Variants in C7 observed in about 807,000 individuals in gnomAD.
C7 encodes complement C7, also known as complement component C7.
In C7, 83 loss-of-function variants were observed where a neutral mutation model predicts 104.8. The observed-to-expected ratio is 0.79, with a 90% confidence interval of 0.66 to 0.95. The LOEUF (loss-of-function observed/expected upper bound fraction) is 0.95, where lower values mean the gene tolerates loss of function less well. Ranked by LOEUF, C7 falls within the 40% of genes least tolerant of loss-of-function variation. The probability of loss-of-function intolerance (pLI) is 0.00; values close to 1 mark genes in which losing one functional copy is unlikely to be tolerated. For synonymous variants in C7, 415 were observed against 360.6 expected (o/e 1.15, Z -1.71); for missense variants, 1,070 against 1,011.2 (o/e 1.06, Z -0.79).
At chr5:40,974,905 A>G (rs926273338) in intron 15 of C7, among the ~76,000 whole-genome samples, 5 of 152,096 alleles carry the variant, frequency 3.3e-5, no homozygotes, top group African/African-American at 7.2e-5. Context: ...ATTCTTTGCT[A>G]TGGGAGCCTC....
chr5:40,981,655 G>A lies in C7; in HGVS notation c.*82G>A. 8.3e-7 allele frequency: 1 copy of A among 1,208,032 alleles called. No homozygotes were observed. Among genetic ancestry groups the A allele is most frequent in the Non-Finnish European group, 1.1e-6 (1 of 877,420 alleles). 74.8% of individuals were successfully genotyped at this position (1,208,032 alleles called of 1,614,324 possible). On this transcript the variant is annotated 3_prime_UTR_variant, in exon 18 of 18. Transcript: ENST00000313164. Reference sequence around the variant, plus strand: ...GAAAACATCTGCACAACTGGGCACTGGACAGCTTTTCCTTCTTCTCCAGTG... The same window carrying A: ...GAAAACATCTGCACAACTGGGCACTAGACAGCTTTTCCTTCTTCTCCAGTG...
At chr5:40,981,365 T>C in intron 17 of C7, 27 bp from the exon 18 acceptor site, 1 of 1,595,222 alleles carries the variant, frequency 6.3e-7, no homozygotes. Context: ...CAATGTACCA[T>C]TAAGCCTCTT....
In C7 at chr5:40,947,646, G is replaced by A; in HGVS notation, c.783G>A (p.Gln261=). 1 of 1,613,462 alleles carries A rather than the reference G, an allele frequency of 6.2e-7. No individual in the cohort carries two copies. Among genetic ancestry groups the A allele is most frequent in the Middle Eastern group, 1.7e-4 (1 of 6,060 alleles). ...LVVENTVEVA[Q]FINNNPEFLQ... ...TTGAGAACACTGTTGAAGTGGCTCA[G>A]TTCATTAATAACAATCCAGAATTTT... Residue 261 remains glutamine (Q), a synonymous_variant, in exon 8 of 18, where the codon CAG becomes CAA. Transcript: ENST00000313164.
chr5:40,911,628 G>A (rs1006316007), intron 1 of C7, among the ~76,000 whole-genome samples: 1 of 152,172 alleles, frequency 6.6e-6, no homozygotes, highest in African/African-American at 2.4e-5. Flanking sequence ...GAAGGAGGTA[G>A]AGCTAATGCT....
chr5:40,935,717 C>A (rs533418193), intron 4 of C7, among the ~76,000 whole-genome samples: 1 of 152,230 alleles, frequency 6.6e-6, no homozygotes, highest in East Asian at 1.9e-4. Context: ...GGGAGATAGG[C>A]AGGAACTAGA....
intron 9 of C7, 130 bp downstream of exon 9, chr5:40,950,144 C>T (rs1324301513): frequency 1.6e-6 from 1 of 613,864 alleles, no homozygotes; most frequent in Non-Finnish European, 2.9e-6. Flanking sequence ...ATTATTTTGT[C>T]ACCCAAGTAT....
chr5:40,964,717 T>C, intron 13 of C7, 24 bp from the exon 14 acceptor site: 1 of 1,606,614 alleles, frequency 6.2e-7, no homozygotes, highest in Non-Finnish European at 8.5e-7. Context: ...ACTCTTTCCT[T>C]TTCCATCTTT....
intron 1 of C7, among the ~76,000 whole-genome samples, chr5:40,912,819 C>T (rs1350221459): frequency 6.6e-6 from 1 of 152,070 alleles, no homozygotes; most frequent in Non-Finnish European, 1.5e-5. Flanking sequence ...TATTTGTATA[C>T]ATTTAAGGGG....
At chr5:40,949,224 A>G (rs1195770217) in intron 8 of C7, among the ~76,000 whole-genome samples, 1 of 151,994 alleles carries the variant, frequency 6.6e-6, no homozygotes, top group Non-Finnish European at 1.5e-5. Context: ...TATAATCATA[A>G]CCTCTGGGAT....
At chr5:40,954,298 C>T (rs867867426) in intron 9 of C7, among the ~76,000 whole-genome samples, 1 of 151,960 alleles carries the variant, frequency 6.6e-6, no homozygotes, top group Admixed American at 6.6e-5. Context: ...TTCCTATATA[C>T]AATTAGTATT....
intron 6 of C7, among the ~76,000 whole-genome samples, chr5:40,944,357 C>A (rs2111620403): frequency 6.6e-6 from 1 of 152,224 alleles, no homozygotes; most frequent in Middle Eastern, 3.4e-3. Context: ...TCAAATTTAT[C>A]CCTTGGAAAA....
At chr5:40,915,162 C>T (rs1263403951) in intron 1 of C7, among the ~76,000 whole-genome samples, 1 of 152,182 alleles carries the variant, frequency 6.6e-6, no homozygotes, top group Non-Finnish European at 1.5e-5. Flanking sequence ...CACAAAAACA[C>T]TGGGAGAGAT....
At chr5:40,965,647 TA>T (rs57820604) in intron 14 of C7, among the ~76,000 whole-genome samples, 9,601 of 86,846 alleles carry the variant, frequency 0.11, 1,063 homozygotes, top group African/African-American at 0.35. Flanking sequence ...TATATATATA[TA>T]TTTTTTTTTT....
intron 1 of C7, 58 bp downstream of exon 1, chr5:40,909,674 G>C: frequency 7.7e-7 from 1 of 1,303,288 alleles, no homozygotes; most frequent in Non-Finnish European, 1.1e-6. Context: ...ATGAACGGGG[G>C]TAATATAAAT....
chr5:40,922,476 C>T (rs1157795107), intron 1 of C7, among the ~76,000 whole-genome samples: 2 of 145,740 alleles, frequency 1.4e-5, no homozygotes, highest in Non-Finnish European at 3.0e-5. Flanking sequence ...CTGAGGTGGG[C>T]GGATCATGAA....
At chr5:40,934,731 G>A (rs1039496119) in intron 4 of C7, among the ~76,000 whole-genome samples, 3 of 152,114 alleles carry the variant, frequency 2.0e-5, no homozygotes, top group East Asian at 3.9e-4. Context: ...GACCCAAAAA[G>A]TTCTTGACAG....
chr5:40,909,934 G>A (rs1739172252), intron 1 of C7, among the ~76,000 whole-genome samples: 2 of 149,480 alleles, frequency 1.3e-5, no homozygotes, highest in South Asian at 4.2e-4. Flanking sequence ...AAATACAATA[G>A]TACTATTGTT....
intron 13 of C7, among the ~76,000 whole-genome samples, chr5:40,963,778 T>C (rs1579867958): frequency 6.6e-6 from 1 of 152,282 alleles, no homozygotes; most frequent in East Asian, 1.9e-4. Context: ...GAAAGCTCGC[T>C]TCCTGCCATT....
intron 6 of C7, among the ~76,000 whole-genome samples, chr5:40,943,247 G>T (rs1414217470): frequency 6.6e-6 from 1 of 152,212 alleles, no homozygotes; most frequent in African/African-American, 2.4e-5. Flanking sequence ...ATAAGTGGAA[G>T]AACATGTTTC....
Sources: allele counts gnomAD v4.1 joint callset (sites outside exome capture counted in the v4.1 genomes callset), GRCh38; gene constraint gnomAD v4.1.1; transcripts MANE v1.5; gene names NCBI Gene and HGNC (gene_info 2026-07-23, HGNC 2026-07-21).